Variants in NXPE2 observed in about 807,000 individuals in gnomAD.
The protein encoded by NXPE2 is NXPE family member 2.
In NXPE2, 34 loss-of-function variants were observed where a neutral mutation model predicts 34.4. The observed-to-expected ratio is 0.99, with a 90% CI of 0.75 to 1.31. The LOEUF (loss-of-function observed/expected upper bound fraction) is 1.31, where lower values mean the gene tolerates loss of function less well. Among genes scored for constraint, NXPE2 ranks in the 40% most tolerant of loss-of-function variants. NXPE2 has a pLI of 0.00. For synonymous variants in NXPE2, 235 were observed against 231.3 expected, an observed-to-expected ratio of 1.02 and a Z score of -0.15; for missense variants, 649 against 672.5, an observed-to-expected ratio of 0.97 and a Z score of 0.39.
At chr11:114,793,507 A>C in the NXPE2 span, among the ~76,000 whole-genome samples, 1 of 152,180 alleles carries the variant, frequency 6.6e-6, no homozygotes, top group African/African-American at 2.4e-5. Flanking sequence ...AAACCCAGCG[A>C]GAGGGAGGGT....
chr11:114,670,008 C>T, the NXPE2 span, among the ~76,000 whole-genome samples: 1 of 152,054 alleles, frequency 6.6e-6, no homozygotes, highest in African/African-American at 2.4e-5. Context: ...CATAAACCAA[C>T]TAATTTACCA....
chr11:114,808,317 A>T, the NXPE2 span, among the ~76,000 whole-genome samples: 1 of 151,922 alleles, frequency 6.6e-6, no homozygotes, highest in African/African-American at 2.4e-5. Flanking sequence ...TTCAAAAGCT[A>T]GCAGAAGGCA....
chr11:114,528,319 G>A, the NXPE2 span, among the ~76,000 whole-genome samples: 1 of 152,272 alleles, frequency 6.6e-6, no homozygotes, highest in East Asian at 1.9e-4. Flanking sequence ...GACTGCCAGA[G>A]CACCCTTTCT....
chr11:114,665,508 AGG>A, the NXPE2 span, among the ~76,000 whole-genome samples: 1 of 152,198 alleles, frequency 6.6e-6, no homozygotes, highest in South Asian at 2.1e-4. Context: ...GAAAAGCCTG[AGG>A]TTCTCAAAGC....
the NXPE2 span, among the ~76,000 whole-genome samples, chr11:114,739,318 TCCTTCCTTCCTTCCTTCCTTC>T: frequency 6.4e-4 from 34 of 53,262 alleles, no homozygotes; most frequent in Admixed American, 1.2e-3. Flanking sequence ...CTTCCTTCCT[TCCTTCCTTCCTTCCTTCCTTC>T]CCCCCTTCCT....
intron 1 of NXPE2, among the ~76,000 whole-genome samples, chr11:114,678,935 G>T (rs1950896612): frequency 6.6e-6 from 1 of 151,140 alleles, no homozygotes; most frequent in Non-Finnish European, 1.5e-5. Context: ...TGGGGGGGTT[G>T]TTTGTTTTTA....
chr11:114,793,397 C>T, the NXPE2 span, among the ~76,000 whole-genome samples: 1 of 152,030 alleles, frequency 6.6e-6, no homozygotes, highest in Non-Finnish European at 1.5e-5. Context: ...AGGCCCTTGT[C>T]CACAAGTTAA....
At chr11:114,567,654 C>T in the NXPE2 span, among the ~76,000 whole-genome samples, 1 of 151,690 alleles carries the variant, frequency 6.6e-6, no homozygotes, top group Admixed American at 6.6e-5. Flanking sequence ...CTCATTGGAC[C>T]CAGACTGTTA....
chr11:114,522,010 C>T, the NXPE2 span: 61 of 1,613,466 alleles, frequency 3.8e-5, no homozygotes, highest in Non-Finnish European at 4.7e-5. Flanking sequence ...GATTTCCAAT[C>T]ACATGATCAG....
At chr11:114,768,711 C>G in the NXPE2 span, among the ~76,000 whole-genome samples, 4 of 151,980 alleles carry the variant, frequency 2.6e-5, no homozygotes, top group Admixed American at 6.6e-5. Context: ...GGCTCTCTGT[C>G]TATTATTGGT....
At chr11:114,626,540 AC>A in the NXPE2 span, among the ~76,000 whole-genome samples, 2 of 152,192 alleles carry the variant, frequency 1.3e-5, no homozygotes, top group Non-Finnish European at 1.5e-5. Flanking sequence ...ATCATCAAAG[AC>A]CAAAGGTAGA....
the NXPE2 span, among the ~76,000 whole-genome samples, chr11:114,806,946 G>C: frequency 6.6e-6 from 1 of 152,140 alleles, no homozygotes; most frequent in Non-Finnish European, 1.5e-5. Context: ...AGAGAGAAAA[G>C]TCGGGTTACC....
chr11:114,733,733 A>G, the NXPE2 span, among the ~76,000 whole-genome samples: 1 of 152,190 alleles, frequency 6.6e-6, no homozygotes, highest in Non-Finnish European at 1.5e-5. Flanking sequence ...GTGGGCAATT[A>G]AAATATATTT....
At chr11:114,562,792 G>A in the NXPE2 span, among the ~76,000 whole-genome samples, 1 of 152,168 alleles carries the variant, frequency 6.6e-6, no homozygotes, top group Non-Finnish European at 1.5e-5. Flanking sequence ...TCGATCTGTG[G>A]TTCAAACAAT....
chr11:114,499,645 G>A, the NXPE2 span, among the ~76,000 whole-genome samples: 1 of 152,156 alleles, frequency 6.6e-6, no homozygotes. Flanking sequence ...TATACAGAGT[G>A]AAATGCACAT....
the NXPE2 span, among the ~76,000 whole-genome samples, chr11:114,549,000 T>A: frequency 3.4e-4 from 52 of 151,950 alleles, no homozygotes; most frequent in African/African-American, 1.1e-3. Flanking sequence ...AGTTTAAAAG[T>A]AACAAGATGA....
At chr11:114,764,524 G>A in the NXPE2 span, among the ~76,000 whole-genome samples, 1 of 152,104 alleles carries the variant, frequency 6.6e-6, no homozygotes, top group Non-Finnish European at 1.5e-5. Flanking sequence ...GTTACCAACT[G>A]ATGAGTCTGG....
chr11:114,646,566 A>G, the NXPE2 span, among the ~76,000 whole-genome samples: 1 of 152,070 alleles, frequency 6.6e-6, no homozygotes, highest in South Asian at 2.1e-4. Flanking sequence ...TAAGTCAAAT[A>G]TAGTTGCTAT....
chr11:114,636,879 C>T, the NXPE2 span, among the ~76,000 whole-genome samples: 1 of 152,026 alleles, frequency 6.6e-6, no homozygotes. Flanking sequence ...AGGTTTATTT[C>T]CAAGTATATG....
Sources: allele counts gnomAD v4.1 joint callset (sites outside exome capture counted in the v4.1 genomes callset), GRCh38; gene constraint gnomAD v4.1.1; transcripts MANE v1.5; gene names NCBI Gene and HGNC (gene_info 2026-07-23, HGNC 2026-07-21).